The following COBL variants were observed in gnomAD, a reference collection of about 807,000 sequenced individuals.
COBL encodes cordon-bleu WH2 repeat protein.
A neutral mutation model predicts 98.8 loss-of-function variants in COBL; 51 were observed. That is an observed-to-expected ratio of 0.52 (90% CI 0.41 to 0.65). The LOEUF is 0.65. COBL is among the 30% of genes least tolerant of loss of function. The pLI is 0.00. For synonymous variants in COBL, 634 were observed against 651.7 expected (o/e 0.97, Z 0.41); for missense variants, 1,617 against 1,617.5 (o/e 1.00, Z 0.01).
At chr7:51,273,391 T>C (rs1264573034) in intron 1 of COBL, among the ~76,000 whole-genome samples, 1 of 152,290 alleles carries the variant, frequency 6.6e-6, no homozygotes, top group South Asian at 2.1e-4. Context: ...CTGCATACTT[T>C]GTGAATTTTT....
chr7:51,097,724 T>C (rs1313729442), intron 6 of COBL, among the ~76,000 whole-genome samples: 1 of 152,042 alleles, frequency 6.6e-6, no homozygotes, highest in Non-Finnish European at 1.5e-5. Flanking sequence ...ATAAAATACT[T>C]AGAAATAAGC....
chr7:51,144,723 TG>T (rs1336867207), intron 5 of COBL, among the ~76,000 whole-genome samples: 4 of 152,180 alleles, frequency 2.6e-5, no homozygotes, highest in African/African-American at 7.2e-5. Flanking sequence ...ACCCCAGTCC[TG>T]GACAAACCCC....
chr7:51,077,189 G>A (rs1285376696), intron 7 of COBL, among the ~76,000 whole-genome samples: 2 of 152,166 alleles, frequency 1.3e-5, no homozygotes, highest in South Asian at 4.1e-4. Context: ...TACATGATTA[G>A]ATATCTGAAG....
In COBL at chr7:51,017,316, A is replaced by T. The variant is rs1025766254; in HGVS notation, c.*235T>A. On this transcript the variant is annotated 3_prime_UTR_variant, in exon 13 of 13. Coordinates refer to ENST00000265136, the MANE Select transcript of COBL (RefSeq NM_015198.5). ...ACAAGAATCGTTTATTAGCAACTTA[A>T]GATATTCAGAGGCAAAACACATTTC... 3 of 598,538 alleles carry T rather than the reference A, an allele frequency of 5.0e-6. No individual in the cohort carries two copies. The African/African-American group carries it at 5.6e-5, about 11-fold the overall frequency. 37.1% of individuals were successfully genotyped at this position (598,538 alleles called of 1,614,324 possible).
intron 1 of COBL, among the ~76,000 whole-genome samples, chr7:51,277,679 G>A (rs1799433934): frequency 6.6e-6 from 1 of 152,034 alleles, no homozygotes; most frequent in Admixed American, 6.6e-5. Context: ...TACAAGGGTG[G>A]AATACTCTGC....
chr7:51,313,544 C>T (rs901082248), intron 1 of COBL, among the ~76,000 whole-genome samples: 3 of 152,184 alleles, frequency 2.0e-5, no homozygotes, highest in African/African-American at 7.2e-5. Flanking sequence ...GAGCAAACTG[C>T]TTGAATACAG....
intron 7 of COBL, among the ~76,000 whole-genome samples, chr7:51,059,733 G>T (rs1439695077): frequency 6.6e-6 from 1 of 152,068 alleles, no homozygotes; most frequent in Non-Finnish European, 1.5e-5. Context: ...CTGTCTCCCA[G>T]CTACCCCGCC....
Position 51,028,455 on chromosome 7 carries a change from C to G in COBL, c.2641G>C (p.Val881Leu). 1 of 1,614,276 alleles carries G rather than the reference C, an allele frequency of 6.2e-7. No homozygotes were observed. The highest frequency in any genetic ancestry group is 8.5e-7 in the Non-Finnish European group (1 of 1,180,054). Residue 881 changes from valine to leucine, a missense_variant, in exon 10 of 13, where the codon GTC becomes CTC. Val to Leu is a conservative substitution (Grantham distance 32, BLOSUM62 1). This residue lies in a region of COBL where 1,304 missense variants were observed against 1,282.0 expected (regional missense o/e 1.02). Coordinates refer to ENST00000265136, the MANE Select transcript of COBL (RefSeq NM_015198.5). ...TGTGGCCTCACCACATCAGCATGGA[C>G]TTTTGGGGCTCCTATGCGCTTGGCA... The part of the protein sequence containing the change: ...AIAKRIGAPK[V>L]HADVVRPHGY...
chr7:51,077,806 G>A (rs1262472227), intron 7 of COBL, among the ~76,000 whole-genome samples: 2 of 151,494 alleles, frequency 1.3e-5, no homozygotes, highest in African/African-American at 4.9e-5. Context: ...AGTGTAGGTG[G>A]AGGCTAGATT....
chr7:51,145,028 T>A (rs1450382182), intron 5 of COBL, among the ~76,000 whole-genome samples: 1 of 152,244 alleles, frequency 6.6e-6, no homozygotes, highest in East Asian at 1.9e-4. Context: ...TAATTCTTTT[T>A]TTCTAGACAG....
intron 7 of COBL, among the ~76,000 whole-genome samples, chr7:51,074,657 A>AT (rs1447360712): frequency 6.6e-6 from 1 of 152,200 alleles, no homozygotes; most frequent in Non-Finnish European, 1.5e-5. Context: ...TACAGTTGTG[A>AT]TTATTTGCAT....
chr7:51,026,609 C>T lies in COBL; in HGVS notation c.3441G>A (p.Glu1147=). Residue 1147 remains glutamate, a synonymous_variant, in exon 11 of 13, where the codon GAG becomes GAA. Transcript: ENST00000265136. The part of the protein sequence containing the change: ...RPAKLSYTEA[E]GERSALLAAI... ...CTGCCAGCAGTGCAGATCGTTCGCC[C>T]TCTGCCTCCGTGTAGGACAGTTTCG... 1 of 1,614,170 alleles carries T rather than the reference C, an allele frequency of 6.2e-7. No homozygotes were observed. Among genetic ancestry groups the T allele is most frequent in the Non-Finnish European group, 8.5e-7 (1 of 1,180,042 alleles).
chr7:51,209,785 G>A (rs1195818799), intron 2 of COBL, among the ~76,000 whole-genome samples: 1 of 152,186 alleles, frequency 6.6e-6, no homozygotes, highest in Non-Finnish European at 1.5e-5. Flanking sequence ...TGTCTGACCT[G>A]ACTTGCTTTC....
intron 1 of COBL, among the ~76,000 whole-genome samples, chr7:51,315,480 A>C (rs1803462421): frequency 6.6e-6 from 1 of 152,186 alleles, no homozygotes; most frequent in Non-Finnish European, 1.5e-5. Context: ...TAACAGAAAA[A>C]AAGATTTGTT....
At chr7:51,203,140 G>A (rs1444902457) in intron 2 of COBL, among the ~76,000 whole-genome samples, 1 of 151,800 alleles carries the variant, frequency 6.6e-6, no homozygotes, top group Non-Finnish European at 1.5e-5. Context: ...TGAGCCCAAA[G>A]TTAGCATAAG....
intron 6 of COBL, among the ~76,000 whole-genome samples, chr7:51,104,310 G>T (rs922911686): frequency 3.9e-5 from 6 of 152,124 alleles, no homozygotes; most frequent in African/African-American, 1.4e-4. Context: ...AAATATACTT[G>T]TATTTTTAAG....
intron 1 of COBL, among the ~76,000 whole-genome samples, chr7:51,222,162 C>G (rs1793715154): frequency 6.6e-6 from 1 of 151,560 alleles, no homozygotes; most frequent in South Asian, 2.1e-4. Flanking sequence ...GCACCCCAGC[C>G]TGGGCAACAA....
At chr7:51,145,908 G>A (rs1281352127) in intron 5 of COBL, among the ~76,000 whole-genome samples, 2 of 152,132 alleles carry the variant, frequency 1.3e-5, no homozygotes, top group African/African-American at 2.4e-5. Flanking sequence ...GCATCTTTCC[G>A]TTTGTTTACT....
At chr7:51,316,080 G>A (rs897620534) in intron 1 of COBL, among the ~76,000 whole-genome samples, 3 of 152,166 alleles carry the variant, frequency 2.0e-5, no homozygotes, top group Non-Finnish European at 4.4e-5. Flanking sequence ...GGGCGGCTGC[G>A]AAGCCGGGGA....
Sources: gnomAD v4.1 joint callset for allele counts (sites outside exome capture counted in the v4.1 genomes callset) on GRCh38, gnomAD v4.1.1 for gene constraint, gnomAD v4.1.1 regional missense constraint, MANE v1.5 for transcripts, NCBI Gene and HGNC (gene_info 2026-07-23, HGNC 2026-07-21) for gene names.